CPEB3: variants seen among roughly 807,000 people sequenced by gnomAD.
The protein encoded by CPEB3 is cytoplasmic polyadenylation element-binding protein 3.
A neutral mutation model predicts 67.2 loss-of-function variants in CPEB3; 20 were observed. The observed-to-expected ratio is 0.30, with a 90% CI of 0.21 to 0.43. The LOEUF is 0.43. Ranked by LOEUF, CPEB3 falls within the 20% of genes least tolerant of loss-of-function variation. The pLI is 1.00. For missense variants in CPEB3, 746 were observed against 968.6 expected (o/e 0.77, Z 3.05); for synonymous variants, 376 against 393.1 (o/e 0.96, Z 0.51).
intron 1 of CPEB3, among the ~76,000 whole-genome samples, chr10:92,268,996 G>C (rs751602785): frequency 6.6e-6 from 1 of 152,166 alleles, no homozygotes; most frequent in East Asian, 1.9e-4. Context: ...CTGCAATTAA[G>C]TCCTCAGTTG....
chr10:92,063,001 A>G (rs934546190), intron 9 of CPEB3, among the ~76,000 whole-genome samples: 1 of 152,214 alleles, frequency 6.6e-6, no homozygotes, highest in Admixed American at 6.5e-5. Context: ...GAATACATGT[A>G]ATTTACTGAT....
At chr10:92,156,579 T>C (rs552902454) in intron 4 of CPEB3, among the ~76,000 whole-genome samples, 18 of 152,338 alleles carry the variant, frequency 1.2e-4, no homozygotes, top group Admixed American at 2.0e-4. Flanking sequence ...CCAGATGGTG[T>C]CTATTTTCTA....
intron 2 of CPEB3, among the ~76,000 whole-genome samples, chr10:92,207,894 T>G (rs1849871458): frequency 6.6e-6 from 1 of 152,108 alleles, no homozygotes; most frequent in Non-Finnish European, 1.5e-5. Context: ...CAAAAAAACA[T>G]GTTAAGTGCT....
chr10:92,155,760 A>T (rs1009907561), intron 4 of CPEB3, among the ~76,000 whole-genome samples: 3 of 152,212 alleles, frequency 2.0e-5, no homozygotes, highest in Non-Finnish European at 4.4e-5. Context: ...TCATTCTAGG[A>T]AATATTTAGT....
At chr10:92,283,684 C>T (rs1172719281) in intron 1 of CPEB3, among the ~76,000 whole-genome samples, 1 of 151,684 alleles carries the variant, frequency 6.6e-6, no homozygotes, top group Non-Finnish European at 1.5e-5. Context: ...CTTCCCAGTT[C>T]CTACAGAATG....
At chr10:92,278,924 T>A (rs1842128737) in intron 1 of CPEB3, among the ~76,000 whole-genome samples, 1 of 151,888 alleles carries the variant, frequency 6.6e-6, no homozygotes, top group African/African-American at 2.4e-5. Flanking sequence ...AACAGGTGTT[T>A]TTATTATTTT....
intron 2 of CPEB3, among the ~76,000 whole-genome samples, chr10:92,232,345 G>A (rs1328713312): frequency 2.6e-5 from 4 of 151,108 alleles, no homozygotes; most frequent in Middle Eastern, 3.2e-3. Context: ...GTGAGCCACC[G>A]TGCCTGAGCA....
In CPEB3 at chr10:92,071,608, G is replaced by A. The variant is rs1590072733; in HGVS notation, c.1869+9712C>T. Among the ~76,000 whole-genome samples the A allele has an allele frequency of 7.9e-5, 12 of 151,852 alleles. No individual in the cohort carries two copies. In the South Asian group the frequency reaches 1.7e-3, roughly 21 times the overall value. On this transcript the variant is annotated intron_variant, in intron 9 of 9. Coordinates refer to ENST00000265997, the MANE Select transcript of CPEB3 (RefSeq NM_014912.5). ...AAATTAGCTGGGCACGGTGGCAGGC[G>A]CCTGTAATCCCAGCTACTCGGGAGG...
At chr10:92,234,781 T>C (rs1851446456) in intron 2 of CPEB3, among the ~76,000 whole-genome samples, 2 of 151,836 alleles carry the variant, frequency 1.3e-5, no homozygotes, top group South Asian at 4.2e-4. Context: ...AAAAATTAGC[T>C]GGGCATGGTA....
At chr10:92,129,426 T>C (rs1845743248) in intron 6 of CPEB3, among the ~76,000 whole-genome samples, 1 of 152,024 alleles carries the variant, frequency 6.6e-6, no homozygotes, top group African/African-American at 2.4e-5. Context: ...GACCAAATAA[T>C]CTGTATAACA....
At chr10:92,287,790 C>A (rs947524440) in intron 1 of CPEB3, among the ~76,000 whole-genome samples, 4 of 152,200 alleles carry the variant, frequency 2.6e-5, no homozygotes, top group Admixed American at 2.6e-4. Context: ...ATATAATTCA[C>A]AAAATTATAT....
chr10:92,089,471 A>C (rs1843521700), intron 8 of CPEB3, among the ~76,000 whole-genome samples: 2 of 152,302 alleles, frequency 1.3e-5, no homozygotes, highest in East Asian at 1.9e-4. Flanking sequence ...TTAAAACAAA[A>C]AATTTTAGCT....
intron 9 of CPEB3, among the ~76,000 whole-genome samples, chr10:92,064,381 C>A (rs906783315): frequency 1.3e-5 from 2 of 152,136 alleles, no homozygotes; most frequent in African/African-American, 2.4e-5. Context: ...AAAACATTAG[C>A]TCTGAGGTTG....
intron 9 of CPEB3, among the ~76,000 whole-genome samples, chr10:92,071,944 A>C (rs564487501): frequency 1.3e-5 from 2 of 152,160 alleles, no homozygotes; most frequent in Non-Finnish European, 2.9e-5. Flanking sequence ...ACTTCTAAAA[A>C]TACCACTAGA....
intron 9 of CPEB3, among the ~76,000 whole-genome samples, chr10:92,055,820 C>T (rs1378295333): frequency 6.6e-6 from 1 of 152,022 alleles, no homozygotes; most frequent in Non-Finnish European, 1.5e-5. Flanking sequence ...CAGGAGGATC[C>T]TTTGAGCCCA....
chr10:92,056,505 G>C (rs1842117957), intron 9 of CPEB3, among the ~76,000 whole-genome samples: 1 of 152,186 alleles, frequency 6.6e-6, no homozygotes, highest in Non-Finnish European at 1.5e-5. Context: ...TGAGGAGTCA[G>C]AAGAATAGTC....
intron 1 of CPEB3, among the ~76,000 whole-genome samples, chr10:92,264,710 C>T (rs1380224546): frequency 2.7e-5 from 4 of 146,038 alleles, no homozygotes; most frequent in East Asian, 2.0e-4. Context: ...AGCGAGACTC[C>T]GTCTCAAAAA....
chr10:92,190,853 T>C (rs1848946592), intron 3 of CPEB3, among the ~76,000 whole-genome samples: 1 of 152,046 alleles, frequency 6.6e-6, no homozygotes, highest in African/African-American at 2.4e-5. Flanking sequence ...TCACTGTTAA[T>C]TTACCTTAAG....
At chr10:92,234,471 A>G (rs1158021564) in intron 2 of CPEB3, among the ~76,000 whole-genome samples, 2 of 152,210 alleles carry the variant, frequency 1.3e-5, no homozygotes, top group Non-Finnish European at 2.9e-5. Flanking sequence ...GTACAGATTC[A>G]GTCCAGCTTC....
Sources: gnomAD v4.1 joint callset for allele counts (sites outside exome capture counted in the v4.1 genomes callset) on GRCh38, gnomAD v4.1.1 for gene constraint, MANE v1.5 for transcripts, NCBI Gene and HGNC (gene_info 2026-07-23, HGNC 2026-07-21) for gene names.